HHAT: variants seen among roughly 807,000 people sequenced by gnomAD.
HHAT encodes hedgehog acyltransferase, also known as protein-cysteine N-palmitoyltransferase HHAT.
A neutral mutation model predicts 70.8 loss-of-function variants in HHAT; 47 were observed. The ratio of observed to expected loss-of-function variants is 0.66; its 90% CI spans 0.53 to 0.85. HHAT has a LOEUF of 0.85. HHAT is among the 40% of genes least tolerant of loss of function. The pLI is 0.00. For synonymous variants in HHAT, 228 were observed against 247.6 expected, an observed-to-expected ratio of 0.92 and a Z score of 0.74; for missense variants, 609 against 604.8, an observed-to-expected ratio of 1.01 and a Z score of -0.07.
intron 4 of HHAT, among the ~76,000 whole-genome samples, chr1:210,389,365 CTCT>C (rs1295878081): frequency 6.6e-5 from 10 of 152,292 alleles, no homozygotes; most frequent in East Asian, 1.9e-4. Context: ...GTCTCTTTTC[CTCT>C]TCTTATAAAG....
chr1:210,464,587 G>A lies in HHAT; in HGVS notation c.939G>A (p.Leu313=), dbSNP rs1357360033. The A allele has an allele frequency of 1.9e-6, 3 of 1,614,066 alleles. No homozygotes were observed. In the African/African-American group the frequency reaches 4.0e-5, roughly 22 times the overall value. The change falls in exon 8 of 12, where the codon CTG becomes CTA. Residue 313 remains leucine, a synonymous_variant. Transcript: ENST00000261458. The stretch of plus-strand genomic sequence containing the variant: ...GCGTGCCTGCTCTGCTCATGCGCCT[G>A]GATGGACTCACTCCACCCGCCCTCC... The part of the protein sequence containing the change: ...LFGVPALLMR[L]DGLTPPALPR...
At chr1:210,565,003 G>A (rs183810903) in intron 9 of HHAT, among the ~76,000 whole-genome samples, 4 of 152,278 alleles carry the variant, frequency 2.6e-5, no homozygotes, top group Admixed American at 2.0e-4. Flanking sequence ...GGGAAAGACT[G>A]GAGTGCATCT....
chr1:210,406,957 G>A (rs557547773), intron 6 of HHAT, among the ~76,000 whole-genome samples: 1 of 152,256 alleles, frequency 6.6e-6, no homozygotes, highest in Admixed American at 6.5e-5. Context: ...ATTGCTGACA[G>A]CAGGGAACTT....
At chr1:210,339,215 C>G (rs1040085354) in intron 1 of HHAT, among the ~76,000 whole-genome samples, 3 of 152,164 alleles carry the variant, frequency 2.0e-5, no homozygotes, top group African/African-American at 7.2e-5. Flanking sequence ...GATTTGGGAA[C>G]ATATTTTTTT....
chr1:210,658,125 C>T (rs891173565), intron 11 of HHAT, among the ~76,000 whole-genome samples: 5 of 152,142 alleles, frequency 3.3e-5, no homozygotes, highest in African/African-American at 1.2e-4. Flanking sequence ...AAGGCAAGTT[C>T]ATAGGCTCTC....
chr1:210,445,320 T>A (rs192273561), intron 7 of HHAT, among the ~76,000 whole-genome samples: 1 of 152,370 alleles, frequency 6.6e-6, no homozygotes, highest in African/African-American at 2.4e-5. Flanking sequence ...TACAGACTAT[T>A]TTCTTTTTTT....
chr1:210,519,215 G>A (rs563857181), intron 9 of HHAT, among the ~76,000 whole-genome samples: 17 of 152,314 alleles, frequency 1.1e-4, no homozygotes, highest in African/African-American at 2.2e-4. Flanking sequence ...AACTTTCACA[G>A]TGTGTATATG....
chr1:210,639,408 A>G (rs1672554358), intron 11 of HHAT, among the ~76,000 whole-genome samples: 1 of 152,238 alleles, frequency 6.6e-6, no homozygotes. Context: ...GCCACTTAGC[A>G]TAAGATGAGT....
At chr1:210,415,900 C>T (rs995405031) in intron 6 of HHAT, among the ~76,000 whole-genome samples, 3 of 152,038 alleles carry the variant, frequency 2.0e-5, no homozygotes, top group African/African-American at 7.2e-5. Flanking sequence ...CTCAGGTAAT[C>T]TACCTGCCTC....
intron 11 of HHAT, among the ~76,000 whole-genome samples, chr1:210,662,945 A>G (rs12064860): frequency 0.016 from 2,491 of 152,224 alleles, 72 homozygotes; most frequent in African/African-American, 0.057. Context: ...AGCTCCTAGC[A>G]AGGATCTCTT....
chr1:210,526,583 A>G (rs949557286), intron 9 of HHAT, among the ~76,000 whole-genome samples: 2 of 151,972 alleles, frequency 1.3e-5, no homozygotes, highest in African/African-American at 2.4e-5. Flanking sequence ...CAGAAGACCA[A>G]CACTCTAGAC....
intron 8 of HHAT, among the ~76,000 whole-genome samples, chr1:210,511,942 G>A (rs1291025285): frequency 6.6e-6 from 1 of 151,882 alleles, no homozygotes; most frequent in Non-Finnish European, 1.5e-5. Context: ...CTGGCCACCT[G>A]GTCTTCTTAC....
In HHAT at chr1:210,644,090, ATGT is replaced by A. The variant is rs1397777499; in HGVS notation, c.1390+20423_1390+20425del. 9.2e-5 allele frequency among the ~76,000 whole-genome samples: 14 copies of A among 152,238 alleles called. No homozygotes were observed. The South Asian group carries it at 2.9e-3, about 32-fold the overall frequency. On this transcript the variant is annotated intron_variant, in intron 11 of 11. Transcript: ENST00000261458. Reference sequence around the variant, plus strand: ...ATTGTAGATAGTTAGATCCAAAAAGATGTTGGAGGAGAGACTCTGGCCTAACCC... The same window carrying A: ...ATTGTAGATAGTTAGATCCAAAAAGATGGAGGAGAGACTCTGGCCTAACCC...
chr1:210,511,780 C>CT (rs201825628), intron 8 of HHAT, among the ~76,000 whole-genome samples: 8,764 of 87,856 alleles, frequency 0.1, 1,458 homozygotes, highest in Non-Finnish European at 0.13. Context: ...GCCGCCTGGT[C>CT]TTTTTTTTTT....
intron 1 of HHAT, among the ~76,000 whole-genome samples, chr1:210,339,180 G>A (rs1213298773): frequency 6.6e-6 from 1 of 152,170 alleles, no homozygotes; most frequent in African/African-American, 2.4e-5. Context: ...AAAGGCAATA[G>A]AGACTCCACT....
At chr1:210,591,352 C>A (rs1276267417) in intron 10 of HHAT, among the ~76,000 whole-genome samples, 1 of 152,096 alleles carries the variant, frequency 6.6e-6, no homozygotes, top group African/African-American at 2.4e-5. Context: ...ACTTCCAGTT[C>A]CATCCATGTT....
intron 1 of HHAT, among the ~76,000 whole-genome samples, chr1:210,345,148 C>T (rs1205826413): frequency 1.3e-5 from 2 of 151,968 alleles, no homozygotes; most frequent in African/African-American, 2.4e-5. Flanking sequence ...TGTTTGGTAA[C>T]GAGTGTGGGG....
At chr1:210,535,989 T>C (rs1376159823) in intron 9 of HHAT, among the ~76,000 whole-genome samples, 2 of 152,116 alleles carry the variant, frequency 1.3e-5, no homozygotes, top group Admixed American at 6.5e-5. Context: ...TCTCAGCTGC[T>C]CCTGGGGAGA....
chr1:210,607,959 C>A (rs747340280), intron 10 of HHAT, among the ~76,000 whole-genome samples: 1 of 152,126 alleles, frequency 6.6e-6, no homozygotes, highest in African/African-American at 2.4e-5. Context: ...AAGAAATATT[C>A]TAAAATTTGC....
Sources: gnomAD v4.1 joint callset for allele counts (sites outside exome capture counted in the v4.1 genomes callset) on GRCh38, gnomAD v4.1.1 for gene constraint, MANE v1.5 for transcripts, NCBI Gene and HGNC (gene_info 2026-07-23, HGNC 2026-07-21) for gene names.